The following BSN variants were observed in gnomAD, a reference collection of about 807,000 sequenced individuals.
BSN encodes the protein protein bassoon.
BSN carries 57 observed loss-of-function variants against 264.8 expected under a neutral mutation model. The observed-to-expected ratio is 0.22, with a 90% CI of 0.17 to 0.27. The LOEUF is 0.27. BSN is among the 10% of genes least tolerant of loss of function. BSN has a pLI of 1.00. For synonymous variants in BSN, 2,059 were observed against 2,137.3 expected, an observed-to-expected ratio of 0.96 and a Z score of 1.01; for missense variants, 4,615 against 5,232.5, an observed-to-expected ratio of 0.88 and a Z score of 3.64.
downstream of BSN, among the ~76,000 whole-genome samples, chr3:49,672,115 G>A (rs1261214422): frequency 2.1e-5 from 3 of 145,874 alleles, no homozygotes; most frequent in Non-Finnish European, 3.0e-5. Flanking sequence ...ATTTTGATGC[G>A]TGTCCTTCTT....
chr3:49,669,074 T>C lies in BSN; in HGVS notation c.*1589T>C, dbSNP rs1035270898. The C allele has an allele frequency of 8.0e-5, 12 of 150,344 alleles. No individual in the cohort carries two copies. Among genetic ancestry groups the C allele is most frequent in the African/African-American group, 2.9e-4 (12 of 40,944 alleles). 9.3% of individuals were successfully genotyped at this position (150,344 alleles called of 1,614,324 possible). A position where few individuals can be genotyped will look rare whatever the true frequency, so the allele number is the denominator to read the frequency against. ...CTGCCAGGTGAGTCACCGCCTGTCC[T>C]GCAGTGGAGCATGCACAGCTCGCAG... On this transcript the variant is annotated 3_prime_UTR_variant, in exon 12 of 12. Transcript: ENST00000296452.
chr3:49,583,039 G>T (rs1449319985), intron 1 of BSN, among the ~76,000 whole-genome samples: 2 of 151,742 alleles, frequency 1.3e-5, no homozygotes, highest in African/African-American at 4.8e-5. Flanking sequence ...TGCAATCTTG[G>T]CCCACTGCAG....
intron 3 of BSN, among the ~76,000 whole-genome samples, chr3:49,643,687 A>G (rs566917669): frequency 1.3e-5 from 2 of 152,352 alleles, no homozygotes; most frequent in African/African-American, 4.8e-5. Context: ...TTCTGAGGTC[A>G]TAAGTGTTGA....
rs745982692 is a variant in BSN, at chr3:49,668,150, G to C, written c.*665G>C. 6.6e-6 allele frequency: 1 copy of C among 152,576 alleles called. No homozygotes were observed. The highest frequency in any genetic ancestry group is 2.4e-5 in the African/African-American group (1 of 41,428). The allele number at this position is 152,576 out of a possible 1,614,324, so 9.5% of individuals were successfully genotyped here. ...CATTAGGACCTAACACTGTCTCATC[G>C]CTGAAATAAGAGGCCATAGCACCGA... On this transcript the variant is annotated 3_prime_UTR_variant, in exon 12 of 12. Coordinates refer to ENST00000296452, the MANE Select transcript of BSN (RefSeq NM_003458.4).
Position 49,662,387 on chromosome 3 carries a change from C to T in BSN, c.10542C>T (p.Pro3514=). ...EESPVSPLGR[P]RPAGGPLPPG... is the part of the protein sequence containing the mutation. ...GCCCCGTCAGTCCTTTGGGGAGGCC[C>T]CGCCCTGCCGGAGGGCCCCTCCCTC... The change falls in exon 6 of 12, where the codon CCC becomes CCT. Residue 3514 remains proline (P), a synonymous_variant. Coordinates refer to ENST00000296452, the MANE Select transcript of BSN (RefSeq NM_003458.4). The T allele has an allele frequency of 6.2e-7, 1 of 1,613,542 alleles. No homozygotes were observed. Among genetic ancestry groups the T allele is most frequent in the Non-Finnish European group, 8.5e-7 (1 of 1,179,982 alleles).
rs773616251 is a variant in BSN, at chr3:49,653,355, A to G, written c.3799A>G (p.Ile1267Val). ...AGAAATCCTTCAGACATCACAGAGC[A>G]TAGTCCGCATGCGGCAGGCCTCCTC... is the stretch of plus-strand genomic sequence containing the variant. ...YEEILQTSQS[I>V]VRMRQASSRD... Residue 1267 changes from isoleucine to valine, a missense_variant, in exon 5 of 12, where the codon ATA becomes GTA. Around this residue, in one of 3 missense-constraint regions of BSN, gnomAD observed 3,415 missense variants for 3,866.4 expected, o/e 0.88. Transcript: ENST00000296452. The surrounding 1 kb of genome is among the most constrained non-coding windows in gnomAD (Gnocchi z 6.3). 9.3e-6 allele frequency: 15 copies of G among 1,613,082 alleles called. No individual in the cohort carries two copies. In the South Asian group the frequency reaches 1.4e-4, roughly 15 times the overall value.
intron 1 of BSN, among the ~76,000 whole-genome samples, chr3:49,562,708 C>T (rs1291090850): frequency 2.6e-5 from 4 of 152,120 alleles, no homozygotes; most frequent in African/African-American, 4.8e-5. Context: ...GTCACTTCCC[C>T]GCCTCCTCCT....
At chr3:49,558,754 C>CGAT (rs1004050594) in intron 1 of BSN, among the ~76,000 whole-genome samples, 19 of 152,064 alleles carry the variant, frequency 1.2e-4, no homozygotes, top group African/African-American at 4.6e-4. Context: ...TGAATGGTGA[C>CGAT]GATGTCAAAA....
chr3:49,598,502 C>G (rs1016123366), intron 1 of BSN, among the ~76,000 whole-genome samples: 4 of 152,180 alleles, frequency 2.6e-5, no homozygotes, highest in Non-Finnish European at 5.9e-5. Flanking sequence ...TTTGACCAGT[C>G]AGATTTTTGC....
chr3:49,627,957 G>A (rs2131108), intron 2 of BSN, among the ~76,000 whole-genome samples: 124,443 of 152,098 alleles, frequency 0.82, 51,276 homozygotes, highest in East Asian at 0.99. Flanking sequence ...AGCTGCTAGT[G>A]TAGTCACGCT....
chr3:49,592,744 C>T (rs1451836732), intron 1 of BSN, among the ~76,000 whole-genome samples: 3 of 149,952 alleles, frequency 2.0e-5, no homozygotes, highest in Non-Finnish European at 4.4e-5. Flanking sequence ...GAGCGAGACT[C>T]CATCTCAAAA....
intron 1 of BSN, 73 bp downstream of exon 1, chr3:49,554,899 C>A: frequency 1.1e-6 from 1 of 941,174 alleles, no homozygotes; most frequent in Non-Finnish European, 1.4e-6. Flanking sequence ...CAGGATCCCG[C>A]GATCTAGTGT....
At chr3:49,567,860 G>T (rs1331660954) in intron 1 of BSN, among the ~76,000 whole-genome samples, 2 of 152,238 alleles carry the variant, frequency 1.3e-5, no homozygotes, top group Non-Finnish European at 2.9e-5. Flanking sequence ...GAAGGCCAGA[G>T]ATTAGAATCT....
intron 1 of BSN, among the ~76,000 whole-genome samples, chr3:49,607,293 C>G (rs934390644): frequency 2.6e-5 from 4 of 152,240 alleles, no homozygotes; most frequent in East Asian, 1.9e-4. Context: ...TAATGTTTTT[C>G]TCAGTGCCTA....
intron 1 of BSN, among the ~76,000 whole-genome samples, chr3:49,621,713 C>T (rs150428708): frequency 6.6e-6 from 1 of 151,766 alleles, no homozygotes; most frequent in African/African-American, 2.4e-5. Flanking sequence ...TGAGTGGAGG[C>T]AGTTCTTTTA....
At chr3:49,649,018 C>T (rs990955738) in intron 3 of BSN, among the ~76,000 whole-genome samples, 9 of 152,332 alleles carry the variant, frequency 5.9e-5, no homozygotes, top group South Asian at 2.1e-4. Flanking sequence ...GGCCCTGCCA[C>T]CTGCCCAGCC....
rs370406665 is a variant in BSN at position 49,663,334 on chromosome 3, C to T, written c.11176C>T (p.Arg3726Trp). ...TGCCTCTGACAGCAAGAAGGGCTCCCGGCAAGCCCACTCCGGGCCCGCTGC... is the reference window on the plus strand; with the variant it reads ...TGCCTCTGACAGCAAGAAGGGCTCCTGGCAAGCCCACTCCGGGCCCGCTGC... ...HHASDSKKGSRQAHSGPAALQ... is the reference protein window; with the variant it reads ...HHASDSKKGSWQAHSGPAALQ... The change falls in exon 7 of 12, where the codon CGG (arginine) becomes TGG (tryptophan). Residue 3726 changes from arginine (R) to tryptophan (W), a missense_variant. By Grantham distance (101) the Arg-to-Trp change is moderately radical (BLOSUM62 -3). This residue lies in a region of BSN where 3,415 missense variants were observed against 3,866.4 expected (regional missense o/e 0.88). Coordinates refer to ENST00000296452, the MANE Select transcript of BSN (RefSeq NM_003458.4). The T allele has an allele frequency of 5.6e-6, 9 of 1,613,700 alleles. No individual in the cohort carries two copies. The highest frequency in any genetic ancestry group is 1.7e-5 in the Admixed American group (1 of 60,012).
intron 5 of BSN, among the ~76,000 whole-genome samples, chr3:49,659,098 A>T (rs2052633369): frequency 6.6e-6 from 1 of 152,238 alleles, no homozygotes. Context: ...AGCCAGAGGC[A>T]TCGTAAGGTA....
chr3:49,606,552 G>C (rs1014875828), intron 1 of BSN, among the ~76,000 whole-genome samples: 1 of 151,368 alleles, frequency 6.6e-6, no homozygotes, highest in African/African-American at 2.4e-5. Flanking sequence ...TGCTCACTAC[G>C]AGGTAGCCAG....
Sources: gnomAD v4.1 joint callset for allele counts (sites outside exome capture counted in the v4.1 genomes callset) on GRCh38, gnomAD v4.1.1 for gene constraint, gnomAD v4.1.1 regional missense constraint, Gnocchi (gnomAD v3.1) non-coding constraint, MANE v1.5 for transcripts, NCBI Gene and HGNC (gene_info 2026-07-23, HGNC 2026-07-21) for gene names.